Variants in SLC7A2 observed in about 807,000 individuals in gnomAD.
SLC7A2 encodes the protein solute carrier family 7 member 2.
A neutral mutation model predicts 58.9 loss-of-function variants in SLC7A2; 48 were observed. The observed-to-expected ratio is 0.82, with a 90% CI of 0.65 to 1.04. The LOEUF (loss-of-function observed/expected upper bound fraction) is 1.04. Ranked by LOEUF, SLC7A2 falls within the 50% of genes least tolerant of loss-of-function variation. SLC7A2 has a pLI of 0.00. For missense variants in SLC7A2, 1,029 were observed against 818.8 expected, an observed-to-expected ratio of 1.26 and a Z score of -3.13; for synonymous variants, 363 against 314.5, an observed-to-expected ratio of 1.15 and a Z score of -1.63.
rs1802078689 is a variant in SLC7A2, at chr8:17,544,608, T to C, written c.532+2T>C. ...TGTGCCTTATATTACTTCTAGCAGG[T>C]AAGAAAACCAGTTATGAGTCTCTGC... On this transcript the variant is annotated splice_donor_variant, in intron 4 of 12. Coordinates refer to ENST00000494857, the MANE Select transcript of SLC7A2 (RefSeq NM_001370338.1). LOFTEE classifies it high-confidence loss of function. The C allele has an allele frequency of 1.2e-6, 2 of 1,613,176 alleles. No homozygotes were observed. Among genetic ancestry groups the C allele is most frequent in the Non-Finnish European group, 1.7e-6 (2 of 1,179,414 alleles).
At position 17,562,113 on chromosome 8, in the gene SLC7A2, A is replaced by G; in HGVS notation, c.1671+3A>G. 2 of 1,566,982 alleles carry G rather than the reference A, an allele frequency of 1.3e-6. No individual in the cohort carries two copies. The highest frequency in any genetic ancestry group is 2.8e-5 in the African/African-American group (2 of 71,036). On this transcript the variant is annotated splice_donor_region_variant and intron_variant, in intron 11 of 12. Coordinates refer to ENST00000494857, the MANE Select transcript of SLC7A2 (RefSeq NM_001370338.1). ...ATCAGCAAAAAGTAGCCTTCATGGT[A>G]TGTGTAATGAGGATTAGAGACCCAA...
chr8:17,544,601 T>C lies in SLC7A2; in HGVS notation c.527T>C (p.Leu176Pro), dbSNP rs749569899. The C allele has an allele frequency of 1.2e-6, 2 of 1,613,418 alleles. No homozygotes were observed. Among genetic ancestry groups the C allele is most frequent in the Non-Finnish European group, 8.5e-7 (1 of 1,179,626 alleles). ...TTTGCTGTGTGCCTTATATTACTTCTAGCAGGTAAGAAAACCAGTTATGAG... is the reference window on the plus strand; with the variant it reads ...TTTGCTGTGTGCCTTATATTACTTCCAGCAGGTAAGAAAACCAGTTATGAG... ...DFFAVCLILL[L>P]AGLLSFGVKE... The change falls in exon 4 of 13, where the codon CTA becomes CCA. Residue 176 changes from leucine to proline, a missense_variant. Physicochemically the swap from Leu to Pro is moderately conservative, Grantham distance 98. Transcript: ENST00000494857.
intron 2 of SLC7A2, among the ~76,000 whole-genome samples, chr8:17,536,770 A>G (rs1248290590): frequency 2.6e-5 from 4 of 152,204 alleles, no homozygotes; most frequent in African/African-American, 9.6e-5. Flanking sequence ...GCAGATTGGA[A>G]GAGTTGACAG....
chr8:17,560,649 A>G (rs1802933181), intron 10 of SLC7A2, 116 bp downstream of exon 10: 1 of 825,954 alleles, frequency 1.2e-6, no homozygotes, highest in East Asian at 2.5e-5. Flanking sequence ...ATTAGCAACC[A>G]CCCTGAAATT....
At chr8:17,545,192 C>T (rs977080298) in intron 4 of SLC7A2, among the ~76,000 whole-genome samples, 2 of 152,036 alleles carry the variant, frequency 1.3e-5, no homozygotes, top group African/African-American at 4.8e-5. Flanking sequence ...ACATTTCAAT[C>T]CTGCTGTGCC....
chr8:17,496,328 C>T (rs921363013), upstream of SLC7A2, among the ~76,000 whole-genome samples: 1 of 152,114 alleles, frequency 6.6e-6, no homozygotes, highest in Non-Finnish European at 1.5e-5. Flanking sequence ...TCTCTAAAGA[C>T]AAACCACACA....
chr8:17,543,536 C>G lies in SLC7A2; in HGVS notation c.197C>G (p.Pro66Arg). The G allele has an allele frequency of 6.2e-7, 1 of 1,612,988 alleles. No homozygotes were observed. The highest frequency in any genetic ancestry group is 8.5e-7 in the Non-Finnish European group (1 of 1,179,438). ...GAGGTGGCCAAGGCAGACTCGGGCC[C>G]CAGCATCGTGGTGTCCTTCCTCATT... is the stretch of plus-strand genomic sequence containing the variant. ...AGEVAKADSG[P>R]SIVVSFLIAA... The change falls in exon 3 of 13, where the codon CCC becomes CGC. Residue 66 changes from proline (P) to arginine (R), a missense_variant. Transcript: ENST00000494857.
chr8:17,539,729 T>C (rs564034900), intron 2 of SLC7A2, among the ~76,000 whole-genome samples: 1 of 152,274 alleles, frequency 6.6e-6, no homozygotes, highest in Non-Finnish European at 1.5e-5. Flanking sequence ...ACAGTAGCAA[T>C]AACTGACAAT....
intron 2 of SLC7A2, among the ~76,000 whole-genome samples, chr8:17,512,996 C>A (rs1009686362): frequency 6.6e-6 from 1 of 152,138 alleles, no homozygotes; most frequent in Non-Finnish European, 1.5e-5. Flanking sequence ...GAATAATAGT[C>A]CATTGTATGT....
Position 17,565,203 on chromosome 8 carries a change from A to G in SLC7A2, c.*57A>G. On this transcript the variant is annotated 3_prime_UTR_variant, in exon 13 of 13. Coordinates refer to ENST00000494857, the MANE Select transcript of SLC7A2 (RefSeq NM_001370338.1). The stretch of plus-strand genomic sequence containing the variant: ...AGCATACATATCCTACACTGAGTAA[A>G]CCGTAACGGGATGTCATCAGCATGC... The G allele has an allele frequency of 7.4e-7, 1 of 1,360,166 alleles. No individual in the cohort carries two copies. The highest frequency in any genetic ancestry group is 1.0e-6 in the Non-Finnish European group (1 of 984,034). 84.3% of individuals were successfully genotyped at this position (1,360,166 alleles called of 1,614,324 possible).
At position 17,543,541 on chromosome 8, in the gene SLC7A2, A is replaced by T. The variant is rs1802016535; in HGVS notation, c.202A>T (p.Ile68Phe). Residue 68 changes from isoleucine to phenylalanine, a missense_variant, in exon 3 of 13, where the codon ATC becomes TTC. Physicochemically the swap from Ile to Phe is conservative, Grantham distance 21. Coordinates refer to ENST00000494857, the MANE Select transcript of SLC7A2 (RefSeq NM_001370338.1). ...GGCCAAGGCAGACTCGGGCCCCAGCATCGTGGTGTCCTTCCTCATTGCTGC... is the reference window on the plus strand; with the variant it reads ...GGCCAAGGCAGACTCGGGCCCCAGCTTCGTGGTGTCCTTCCTCATTGCTGC... ...EVAKADSGPS[I>F]VVSFLIAALA... 1 of 1,612,770 alleles carries T rather than the reference A, an allele frequency of 6.2e-7. No individual in the cohort carries two copies. The highest frequency in any genetic ancestry group is 1.1e-5 in the South Asian group (1 of 90,926).
chr8:17,510,217 C>G (rs993402760), intron 2 of SLC7A2, among the ~76,000 whole-genome samples: 3 of 143,420 alleles, frequency 2.1e-5, no homozygotes, highest in Admixed American at 7.5e-5. Context: ...AAGACTCTGT[C>G]TCAAAATAAA....
intron 4 of SLC7A2, among the ~76,000 whole-genome samples, chr8:17,547,219 G>A (rs1802214594): frequency 6.7e-6 from 1 of 149,972 alleles, no homozygotes; most frequent in South Asian, 2.1e-4. Flanking sequence ...CAGTCATGGT[G>A]GAAGGTGACC....
chr8:17,558,433 C>T (rs929592835), intron 9 of SLC7A2, 36 bp downstream of exon 9: 5 of 1,344,796 alleles, frequency 3.7e-6, no homozygotes, highest in Non-Finnish European at 5.3e-6. Context: ...GTGTACCATG[C>T]ACGAGGGACT....
At chr8:17,496,386 C>T (rs1038620695), upstream of SLC7A2, among the ~76,000 whole-genome samples, 1 of 152,112 alleles carries the variant, frequency 6.6e-6, no homozygotes, top group Non-Finnish European at 1.5e-5. Flanking sequence ...CAATTCAGTG[C>T]GTGTTTTGCT....
At chr8:17,504,086 C>A (rs896683319) in intron 2 of SLC7A2, among the ~76,000 whole-genome samples, 8 of 152,178 alleles carry the variant, frequency 5.3e-5, no homozygotes, top group Non-Finnish European at 8.8e-5. Flanking sequence ...AACTCAGAGG[C>A]CTGGCGTTTT....
rs548201780 is a variant in SLC7A2, at chr8:17,506,014, T to A, written c.-23+3712T>A. 3.9e-5 allele frequency among the ~76,000 whole-genome samples: 6 copies of A among 152,352 alleles called. No homozygotes were observed. In the South Asian group the frequency reaches 1.2e-3, roughly 32 times the overall value. On this transcript the variant is annotated intron_variant, in intron 2 of 12. Transcript: ENST00000494857. The stretch of plus-strand genomic sequence containing the variant: ...TAATGCTGATTTAGCTACTGAAAAA[T>A]TATCTCTTGCAACACTTGCTTTACT...
intron 2 of SLC7A2, chr8:17,520,711 A>C: frequency 2.4e-6 from 2 of 824,604 alleles, no homozygotes; most frequent in Non-Finnish European, 2.9e-6. Flanking sequence ...CATTACAAAA[A>C]AGTTTCAAGG....
chr8:17,496,152 G>A (rs2150626559), upstream of SLC7A2, among the ~76,000 whole-genome samples: 1 of 152,246 alleles, frequency 6.6e-6, no homozygotes, highest in Middle Eastern at 3.4e-3. Context: ...AATAGGCCGG[G>A]CATGGTGGCT....
Sources: allele counts gnomAD v4.1 joint callset (sites outside exome capture counted in the v4.1 genomes callset), GRCh38; gene constraint gnomAD v4.1.1; transcripts MANE v1.5; gene names NCBI Gene and HGNC (gene_info 2026-07-23, HGNC 2026-07-21).